Variants in TEK observed in about 807,000 individuals in gnomAD.
TEK encodes the protein TEK receptor tyrosine kinase.
Under a neutral mutation model 131.8 loss-of-function variants are expected in TEK, and 43 were observed. The observed-to-expected ratio is 0.33, with a 90% CI of 0.26 to 0.42. TEK has a LOEUF of 0.42. Ranked by LOEUF, TEK falls within the 10% of genes least tolerant of loss-of-function variation. The pLI is 1.00. For synonymous variants in TEK, 580 were observed against 491.6 expected (o/e 1.18, Z -2.38); for missense variants, 1,162 against 1,384.4 (o/e 0.84, Z 2.55).
intron 9 of TEK, among the ~76,000 whole-genome samples, chr9:27,188,433 C>A (rs918271930): frequency 2.0e-5 from 3 of 152,174 alleles, no homozygotes; most frequent in African/African-American, 7.2e-5. Flanking sequence ...AATTTTTAAA[C>A]CCTTGTAGAA....
intron 7 of TEK, among the ~76,000 whole-genome samples, chr9:27,181,103 TG>T (rs1177376884): frequency 3.9e-5 from 6 of 152,228 alleles, no homozygotes; most frequent in African/African-American, 1.4e-4. Context: ...TTAAACAACA[TG>T]GGGGCTAGGG....
At chr9:27,166,254 C>T (rs1007610150) in intron 2 of TEK, among the ~76,000 whole-genome samples, 3 of 152,218 alleles carry the variant, frequency 2.0e-5, no homozygotes, top group Non-Finnish European at 4.4e-5. Context: ...TGTGGATAAA[C>T]AGGCAATGTT....
intron 15 of TEK, 126 bp downstream of exon 15, chr9:27,206,918 AACTGAAG>A: frequency 9.6e-7 from 1 of 1,042,476 alleles, no homozygotes. Flanking sequence ...TGTTATTTGC[AACTGAAG>A]GTTATGCTTC....
chr9:27,138,170 G>C (rs1330436305), intron 1 of TEK, among the ~76,000 whole-genome samples: 2 of 152,236 alleles, frequency 1.3e-5, no homozygotes, highest in African/African-American at 4.8e-5. Flanking sequence ...CAAAGAGTGA[G>C]CAGCAGCAAG....
chr9:27,141,730 C>T (rs1011041974), intron 1 of TEK, among the ~76,000 whole-genome samples: 1 of 152,118 alleles, frequency 6.6e-6, no homozygotes, highest in African/African-American at 2.4e-5. Flanking sequence ...AGTCAAATGA[C>T]ATTTTAAATC....
chr9:27,196,346 T>C (rs975567385), intron 11 of TEK, among the ~76,000 whole-genome samples: 2 of 152,210 alleles, frequency 1.3e-5, no homozygotes, highest in Non-Finnish European at 2.9e-5. Flanking sequence ...TCCAATTGTT[T>C]GCTGTTATAA....
chr9:27,202,665 G>C (rs7876024), intron 12 of TEK, among the ~76,000 whole-genome samples, 155 bp from the exon 13 acceptor site: 18 of 152,024 alleles, frequency 1.2e-4, no homozygotes, highest in South Asian at 2.1e-4. Flanking sequence ...TCAAGTCTGC[G>C]TGGAGTCCAG....
chr9:27,143,303 C>A (rs1028102465), intron 1 of TEK, among the ~76,000 whole-genome samples: 2 of 152,104 alleles, frequency 1.3e-5, no homozygotes, highest in Non-Finnish European at 2.9e-5. Flanking sequence ...AAATAAATAG[C>A]CTGACCACAC....
At position 27,173,150 on chromosome 9, in the gene TEK, G is replaced by A. The variant is rs1824029126; in HGVS notation, c.761-72G>A. ...CCATATTCACTAGACTAGGAGAAATGAATCTAAAGAATTATGTATTTCAAG... is the reference window on the plus strand; with the variant it reads ...CCATATTCACTAGACTAGGAGAAATAAATCTAAAGAATTATGTATTTCAAG... On this transcript the variant is annotated intron_variant, in intron 5 of 22. Transcript: ENST00000380036. The A allele has an allele frequency of 8.8e-6, 14 of 1,584,750 alleles. No individual in the cohort carries two copies. In the South Asian group the frequency reaches 8.9e-5, roughly 10 times the overall value.
intron 1 of TEK, among the ~76,000 whole-genome samples, chr9:27,148,103 G>T (rs1822994423): frequency 6.6e-6 from 1 of 152,212 alleles, no homozygotes; most frequent in South Asian, 2.1e-4. Context: ...AATAAGTGAT[G>T]AATTAGGGTT....
chr9:27,200,727 G>A (rs552344719), intron 12 of TEK, among the ~76,000 whole-genome samples: 3 of 152,168 alleles, frequency 2.0e-5, no homozygotes, highest in East Asian at 3.9e-4. Flanking sequence ...TAGATTTGGC[G>A]TATCACCCCA....
intron 8 of TEK, 48 bp downstream of exon 8, chr9:27,183,658 G>T: frequency 1.2e-6 from 2 of 1,603,998 alleles, no homozygotes; most frequent in Non-Finnish European, 1.7e-6. Flanking sequence ...AGATGCTTCA[G>T]TGTAGTAATC....
intron 5 of TEK, 45 bp downstream of exon 5, chr9:27,172,792 A>G (rs1325296169): frequency 1.2e-6 from 2 of 1,610,114 alleles, no homozygotes; most frequent in African/African-American, 1.3e-5. Context: ...TTAAAAAGCC[A>G]TCGTTGCTGG....
At chr9:27,208,912 A>T (rs187842449) in intron 15 of TEK, among the ~76,000 whole-genome samples, 1 of 152,330 alleles carries the variant, frequency 6.6e-6, no homozygotes, top group Non-Finnish European at 1.5e-5. Flanking sequence ...AAAACATCTT[A>T]CCATGCACAG....
intron 10 of TEK, chr9:27,191,780 T>C: frequency 2.3e-5 from 8 of 352,986 alleles, no homozygotes; most frequent in South Asian, 1.7e-4. Flanking sequence ...CTAGGTCTTT[T>C]GCTGTCATAT....
intron 6 of TEK, among the ~76,000 whole-genome samples, chr9:27,174,961 T>G (rs1824106518): frequency 8.8e-6 from 1 of 113,964 alleles, no homozygotes; most frequent in Non-Finnish European, 1.9e-5. Flanking sequence ...CCCAGGTTTT[T>G]TTGTTTTTTT....
chr9:27,223,723 C>T (rs993864135), intron 21 of TEK, among the ~76,000 whole-genome samples: 1 of 152,082 alleles, frequency 6.6e-6, no homozygotes, highest in African/African-American at 2.4e-5. Context: ...GAAGCAACAG[C>T]AAACAAATGC....
intron 15 of TEK, among the ~76,000 whole-genome samples, chr9:27,208,624 A>T (rs764386938): frequency 6.6e-6 from 1 of 152,240 alleles, no homozygotes; most frequent in Non-Finnish European, 1.5e-5. Flanking sequence ...TTAGTGAACA[A>T]AGAGGCATGC....
intron 1 of TEK, among the ~76,000 whole-genome samples, chr9:27,144,985 A>G (rs1822861057): frequency 6.6e-6 from 1 of 152,216 alleles, no homozygotes; most frequent in African/African-American, 2.4e-5. Flanking sequence ...TAGAATATCG[A>G]CTGTGCACAC....
Sources: gnomAD v4.1 joint callset for allele counts (sites outside exome capture counted in the v4.1 genomes callset) on GRCh38, gnomAD v4.1.1 for gene constraint, MANE v1.5 for transcripts, NCBI Gene and HGNC (gene_info 2026-07-23, HGNC 2026-07-21) for gene names.